GRID2: variants seen among roughly 807,000 people sequenced by gnomAD.
The protein encoded by GRID2 is glutamate ionotropic receptor delta type subunit 2.
In GRID2, 33 loss-of-function variants were observed where a neutral mutation model predicts 114.8. That is an observed-to-expected ratio of 0.29 (90% CI 0.22 to 0.38). GRID2 has a LOEUF of 0.38. Ranked by LOEUF, GRID2 falls within the 10% of genes least tolerant of loss-of-function variation. GRID2 has a pLI of 1.00. For missense variants in GRID2, 1,184 were observed against 1,257.7 expected (o/e 0.94, Z 0.89); for synonymous variants, 505 against 449.9 (o/e 1.12, Z -1.55).
At chr4:92,440,011 C>CTGG (rs1345323305) in intron 1 of GRID2, among the ~76,000 whole-genome samples, 1 of 145,636 alleles carries the variant, frequency 6.9e-6, no homozygotes, top group African/African-American at 2.4e-5. Flanking sequence ...GGTCTGGTGT[C>CTGG]AAATGAGACT....
At chr4:92,363,642 T>A (rs905153181) in intron 1 of GRID2, among the ~76,000 whole-genome samples, 2 of 152,122 alleles carry the variant, frequency 1.3e-5, no homozygotes, top group Non-Finnish European at 2.9e-5. Flanking sequence ...AAAAATTATT[T>A]TGTCATTTAG....
chr4:93,728,703 G>A (rs952129780), intron 14 of GRID2, among the ~76,000 whole-genome samples: 2 of 152,172 alleles, frequency 1.3e-5, no homozygotes, highest in South Asian at 2.1e-4. Context: ...AGGATAGGTA[G>A]CTCTTCTTGT....
At chr4:93,648,116 G>A (rs1722272619) in intron 14 of GRID2, among the ~76,000 whole-genome samples, 1 of 152,126 alleles carries the variant, frequency 6.6e-6, no homozygotes, top group Non-Finnish European at 1.5e-5. Flanking sequence ...TAGAAAGAGG[G>A]ACGATACCAT....
chr4:93,807,097 A>G (rs1407151732), exon 2 of GRID2: 1 of 152,278 alleles, frequency 6.6e-6, no homozygotes, highest in Non-Finnish European at 1.5e-5. Flanking sequence ...GCCACAGGTC[A>G]TGGATCTTGC....
chr4:92,829,285 T>C (rs910533848), intron 2 of GRID2, among the ~76,000 whole-genome samples: 17 of 152,054 alleles, frequency 1.1e-4, no homozygotes, highest in African/African-American at 4.1e-4. Context: ...CCTTTCGTCA[T>C]TGCTTGTTTT....
At chr4:93,044,477 TA>T (rs1245590757) in intron 2 of GRID2, among the ~76,000 whole-genome samples, 1 of 152,116 alleles carries the variant, frequency 6.6e-6, no homozygotes, top group East Asian at 1.9e-4. Flanking sequence ...AAATCTTTTT[TA>T]AAGAATGTAG....
Position 92,493,060 on chromosome 4 carries a change from CAG to C in GRID2, c.89-97068_89-97067del. 2.8e-5 allele frequency among the ~76,000 whole-genome samples: 4 copies of C among 142,324 alleles called. No homozygotes were observed. In the Admixed American group the frequency reaches 3.0e-4, roughly 11 times the overall value. The allele number at this position is 142,324 out of a possible 152,430, so 93.4% of individuals were successfully genotyped here. A position where few individuals can be genotyped will look rare whatever the true frequency, so the allele number is the denominator to read the frequency against. On this transcript the variant is annotated intron_variant, in intron 1 of 15. Coordinates refer to ENST00000282020, the MANE Select transcript of GRID2 (RefSeq NM_001510.4). ...CGGAGAATTGCTTGAACCCTGGAGG[CAG>C]AGTTTGCAGTGAACTGAGATCATGC...
At chr4:93,068,881 G>C (rs539340585) in intron 2 of GRID2, among the ~76,000 whole-genome samples, 6 of 152,016 alleles carry the variant, frequency 3.9e-5, no homozygotes, top group Non-Finnish European at 8.8e-5. Context: ...ATTGGCTCAT[G>C]GTTCTGCAGG....
At chr4:92,628,171 C>A (rs1730613803) in intron 2 of GRID2, among the ~76,000 whole-genome samples, 1 of 152,046 alleles carries the variant, frequency 6.6e-6, no homozygotes, top group Admixed American at 6.6e-5. Flanking sequence ...TCTAAGGATA[C>A]AACAATCAGC....
At chr4:93,349,881 AAAAT>A (rs1211876316) in intron 8 of GRID2, among the ~76,000 whole-genome samples, 9 of 152,144 alleles carry the variant, frequency 5.9e-5, no homozygotes, top group Admixed American at 2.0e-4. Context: ...TAATTATGAT[AAAAT>A]AAATAAATGT....
At chr4:93,175,673 A>G (rs770862803) in intron 4 of GRID2, among the ~76,000 whole-genome samples, 3 of 152,234 alleles carry the variant, frequency 2.0e-5, no homozygotes, top group Non-Finnish European at 4.4e-5. Flanking sequence ...TCCTAGAGAA[A>G]TAAAATTTAG....
intron 14 of GRID2, among the ~76,000 whole-genome samples, chr4:93,653,506 G>C (rs1318183766): frequency 6.6e-6 from 1 of 152,058 alleles, no homozygotes; most frequent in Non-Finnish European, 1.5e-5. Flanking sequence ...CCAGAAGTGT[G>C]CTATTTTGTA....
intron 8 of GRID2, among the ~76,000 whole-genome samples, chr4:93,331,268 G>T (rs1487187475): frequency 1.3e-5 from 2 of 151,468 alleles, no homozygotes; most frequent in Non-Finnish European, 2.9e-5. Flanking sequence ...AAAAACAATT[G>T]TTTTATTCTC....
intron 1 of GRID2, among the ~76,000 whole-genome samples, chr4:92,585,698 G>A (rs879667949): frequency 5.9e-5 from 9 of 151,662 alleles, no homozygotes; most frequent in Non-Finnish European, 8.9e-5. Context: ...ATTATGTGCA[G>A]GATGAACACA....
intron 1 of GRID2, among the ~76,000 whole-genome samples, chr4:92,573,120 A>G (rs897563109): frequency 6.6e-6 from 1 of 152,022 alleles, no homozygotes; most frequent in Non-Finnish European, 1.5e-5. Flanking sequence ...AGACGTGTTT[A>G]TAGTATCCTC....
At chr4:93,700,467 G>C (rs975804469) in intron 14 of GRID2, among the ~76,000 whole-genome samples, 1 of 152,102 alleles carries the variant, frequency 6.6e-6, no homozygotes, top group African/African-American at 2.4e-5. Flanking sequence ...ATTATAATTT[G>C]TGAATGATGC....
At chr4:93,396,367 C>T (rs1331072696) in intron 9 of GRID2, among the ~76,000 whole-genome samples, 1 of 151,822 alleles carries the variant, frequency 6.6e-6, no homozygotes, top group African/African-American at 2.4e-5. Flanking sequence ...TCCAAGACCC[C>T]CAGTGGATGC....
chr4:93,039,402 G>A (rs1313700029), intron 2 of GRID2, among the ~76,000 whole-genome samples: 1 of 152,022 alleles, frequency 6.6e-6, no homozygotes, highest in Non-Finnish European at 1.5e-5. Flanking sequence ...TACCACCATG[G>A]CACATGTATA....
chr4:92,835,822 C>T (rs183787401), intron 2 of GRID2, among the ~76,000 whole-genome samples: 2 of 152,240 alleles, frequency 1.3e-5, no homozygotes, highest in East Asian at 1.9e-4. Flanking sequence ...CTCCACACTT[C>T]GTATTGTCTT....
Sources: gnomAD v4.1 joint callset for allele counts (sites outside exome capture counted in the v4.1 genomes callset) on GRCh38, gnomAD v4.1.1 for gene constraint, MANE v1.5 for transcripts, NCBI Gene and HGNC (gene_info 2026-07-23, HGNC 2026-07-21) for gene names.